LARGE1: variants seen among roughly 807,000 people sequenced by gnomAD.
The protein encoded by LARGE1 is xylosyl- and glucuronyltransferase LARGE1.
In LARGE1, 43 loss-of-function variants were observed where a neutral mutation model predicts 87.6. That is an observed-to-expected ratio of 0.49 (90% CI 0.38 to 0.63). The LOEUF (loss-of-function observed/expected upper bound fraction) is 0.63. Ranked by LOEUF, LARGE1 falls within the 30% of genes least tolerant of loss-of-function variation. The pLI is 0.00. For missense variants in LARGE1, 802 were observed against 1,000.2 expected, an observed-to-expected ratio of 0.80 and a Z score of 2.67; for synonymous variants, 434 against 394.6, an observed-to-expected ratio of 1.10 and a Z score of -1.18.
chr22:33,784,408 C>G (rs1447763398), intron 1 of LARGE1, among the ~76,000 whole-genome samples: 1 of 152,150 alleles, frequency 6.6e-6, no homozygotes, highest in Non-Finnish European at 1.5e-5. Context: ...ATAAACCCAG[C>G]AATCTGACTC....
intron 9 of LARGE1, among the ~76,000 whole-genome samples, chr22:33,372,343 T>C (rs80296780): frequency 0.01 from 1,561 of 152,288 alleles, 25 homozygotes; most frequent in African/African-American, 0.036. Context: ...AATTAATTTA[T>C]ATATAATTCT....
intron 1 of LARGE1, among the ~76,000 whole-genome samples, chr22:33,842,485 G>A (rs2063309074): frequency 1.3e-5 from 2 of 152,142 alleles, no homozygotes; most frequent in African/African-American, 4.8e-5. Flanking sequence ...TTGAGCAATT[G>A]TACATTGCTT....
chr22:33,244,284 C>T lies in LARGE1; in HGVS notation c.1730+59945G>A, dbSNP rs138056185. ...TGCTGGGATTACAGACATGAGCCAC[C>T]GCGCCCGGCCTATAGTTTTTAAAGT... On this transcript the variant is annotated intron_variant, in intron 11 of 11. Transcript: ENST00000608642. Among the ~76,000 whole-genome samples the T allele has an allele frequency of 9.4e-3, 1,431 of 152,186 alleles. 25 individuals are homozygous for T. Among genetic ancestry groups the T allele is most frequent in the African/African-American group, 0.033 (1,351 of 41,518 alleles).
chr22:33,086,346 C>T, the LARGE1 span, among the ~76,000 whole-genome samples: 12 of 152,016 alleles, frequency 7.9e-5, no homozygotes, highest in African/African-American at 2.9e-4. Context: ...GGGTTGATAA[C>T]AGATTTTTGT....
intron 4 of LARGE1, among the ~76,000 whole-genome samples, chr22:33,616,696 A>T (rs922146039): frequency 2.6e-5 from 4 of 152,236 alleles, no homozygotes; most frequent in African/African-American, 9.6e-5. Context: ...ATTCTGCCAT[A>T]TGAAAAAAAG....
At chr22:33,275,340 A>G (rs1205241308) in intron 14 of LARGE1, among the ~76,000 whole-genome samples, 1 of 152,160 alleles carries the variant, frequency 6.6e-6, no homozygotes, top group African/African-American at 2.4e-5. Flanking sequence ...GCACACTTTT[A>G]CTCAGATCTA....
intron 3 of LARGE1, among the ~76,000 whole-genome samples, chr22:33,634,007 C>T (rs576495310): frequency 6.6e-6 from 1 of 152,316 alleles, no homozygotes; most frequent in East Asian, 1.9e-4. Context: ...TCACTCGCCT[C>T]ATCCGTAAAA....
chr22:33,073,120 T>C, the LARGE1 span, among the ~76,000 whole-genome samples: 1 of 152,196 alleles, frequency 6.6e-6, no homozygotes, highest in Non-Finnish European at 1.5e-5. Context: ...TTCCCCCATA[T>C]GGGGTGGGGT....
chr22:33,772,879 G>A (rs531002641), intron 1 of LARGE1, among the ~76,000 whole-genome samples: 16 of 149,876 alleles, frequency 1.1e-4, no homozygotes, highest in African/African-American at 3.7e-4. Context: ...ATGAATGAAC[G>A]AATGTGCCAT....
At chr22:33,071,013 T>TA in the LARGE1 span, among the ~76,000 whole-genome samples, 1 of 151,400 alleles carries the variant, frequency 6.6e-6, no homozygotes, top group Non-Finnish European at 1.5e-5. Flanking sequence ...ATGCCAGAAA[T>TA]AAAAAATTAA....
At chr22:33,162,218 G>C (rs1461261995), downstream of LARGE1, 1 of 152,184 alleles carries the variant, frequency 6.6e-6, no homozygotes, top group Non-Finnish European at 1.5e-5. Flanking sequence ...AACTGCCCGA[G>C]ACTGCATGAT....
At chr22:33,513,845 ACG>A (rs1491278461) in intron 6 of LARGE1, among the ~76,000 whole-genome samples, 1 of 149,906 alleles carries the variant, frequency 6.7e-6, no homozygotes, top group African/African-American at 2.5e-5. Flanking sequence ...ACACACACAC[ACG>A]AGTCATGTGC....
At chr22:33,068,053 G>T in the LARGE1 span, among the ~76,000 whole-genome samples, 1 of 152,070 alleles carries the variant, frequency 6.6e-6, no homozygotes, top group Non-Finnish European at 1.5e-5. Flanking sequence ...GGATCAATTG[G>T]ACCAATTTAT....
intron 11 of LARGE1, among the ~76,000 whole-genome samples, chr22:33,232,426 T>C (rs1278541305): frequency 1.3e-5 from 2 of 151,932 alleles, no homozygotes; most frequent in African/African-American, 4.8e-5. Flanking sequence ...TGCTGGGAGG[T>C]GGGGGGAACC....
chr22:33,432,120 T>A (rs1398004449), intron 7 of LARGE1, 41 bp downstream of exon 7: 1 of 1,510,854 alleles, frequency 6.6e-7, no homozygotes, highest in African/African-American at 1.4e-5. Context: ...GGTCCTCATA[T>A]CACCTTCTGC....
chr22:33,614,541 A>T (rs376221336), intron 4 of LARGE1, among the ~76,000 whole-genome samples: 2 of 151,886 alleles, frequency 1.3e-5, no homozygotes, highest in African/African-American at 4.8e-5. Flanking sequence ...TCATATCTTC[A>T]CACCCCTTCC....
intron 6 of LARGE1, among the ~76,000 whole-genome samples, chr22:33,446,333 C>A (rs1449490527): frequency 6.6e-6 from 1 of 152,180 alleles, no homozygotes; most frequent in African/African-American, 2.4e-5. Context: ...AAACACTTTC[C>A]TAAGCTCTGT....
At chr22:33,084,656 A>T in the LARGE1 span, among the ~76,000 whole-genome samples, 1 of 152,164 alleles carries the variant, frequency 6.6e-6, no homozygotes, top group Non-Finnish European at 1.5e-5. Context: ...CCTGGTCTCA[A>T]AAAAAACAAA....
intron 1 of LARGE1, among the ~76,000 whole-genome samples, chr22:33,880,835 G>A (rs746597554): frequency 8.5e-5 from 13 of 152,144 alleles, no homozygotes; most frequent in East Asian, 3.9e-4. Flanking sequence ...CACCTGCCTC[G>A]CTGTGCCCAT....
Sources: allele counts gnomAD v4.1 joint callset (sites outside exome capture counted in the v4.1 genomes callset), GRCh38; gene constraint gnomAD v4.1.1; transcripts MANE v1.5; gene names NCBI Gene and HGNC (gene_info 2026-07-23, HGNC 2026-07-21).